Variants in ROBO2 observed in about 807,000 individuals in gnomAD.
ROBO2 encodes roundabout guidance receptor 2.
ROBO2 carries 53 observed loss-of-function variants against 160.8 expected under a neutral mutation model. That is an observed-to-expected ratio of 0.33 (90% CI 0.26 to 0.41). ROBO2 has a LOEUF of 0.41. Ranked by LOEUF, ROBO2 falls within the 10% of genes least tolerant of loss-of-function variation. The pLI, the probability that ROBO2 is intolerant of heterozygous loss-of-function variation, is 1.00. For synonymous variants in ROBO2, 664 were observed against 611.7 expected (o/e 1.09, Z -1.26); for missense variants, 1,577 against 1,722.4 (o/e 0.92, Z 1.49).
chr3:77,483,960 G>T (rs938456566), intron 4 of ROBO2, among the ~76,000 whole-genome samples: 7 of 151,622 alleles, frequency 4.6e-5, no homozygotes, highest in Non-Finnish European at 1.5e-5. Flanking sequence ...TAGTGGGCTT[G>T]TACTTTGAAG....
chr3:76,077,844 A>G (rs2068691921), intron 2 of ROBO2, among the ~76,000 whole-genome samples: 1 of 152,144 alleles, frequency 6.6e-6, no homozygotes, highest in South Asian at 2.1e-4. Flanking sequence ...GGAAGATCAA[A>G]GAATTGATTT....
At chr3:76,451,944 C>A (rs2077495489) in intron 2 of ROBO2, among the ~76,000 whole-genome samples, 1 of 152,078 alleles carries the variant, frequency 6.6e-6, no homozygotes, top group Non-Finnish European at 1.5e-5. Flanking sequence ...CCAATTATTT[C>A]TCTTTCTTTA....
intron 2 of ROBO2, among the ~76,000 whole-genome samples, chr3:77,417,993 G>T (rs1314942369): frequency 1.3e-5 from 2 of 151,870 alleles, no homozygotes; most frequent in Non-Finnish European, 2.9e-5. Flanking sequence ...ATTGACTAAA[G>T]TCTCTGACAG....
intron 2 of ROBO2, among the ~76,000 whole-genome samples, chr3:76,554,699 T>C (rs2083604180): frequency 6.6e-6 from 1 of 152,166 alleles, no homozygotes; most frequent in Non-Finnish European, 1.5e-5. Flanking sequence ...GTAGGGAAAC[T>C]GCTTCTATAT....
chr3:76,483,243 A>C (rs1389907951), intron 2 of ROBO2, among the ~76,000 whole-genome samples: 1 of 151,348 alleles, frequency 6.6e-6, no homozygotes, highest in Non-Finnish European at 1.5e-5. Context: ...GTATAGAATA[A>C]CTCTTATTAC....
At chr3:75,961,741 A>G (rs543787096) in intron 2 of ROBO2, among the ~76,000 whole-genome samples, 2 of 151,724 alleles carry the variant, frequency 1.3e-5, no homozygotes, top group Non-Finnish European at 2.9e-5. Flanking sequence ...ATAGAAACAA[A>G]AAATATTGTA....
At chr3:77,039,207 C>T (rs777384417), upstream of ROBO2, among the ~76,000 whole-genome samples, 1 of 151,728 alleles carries the variant, frequency 6.6e-6, no homozygotes, top group South Asian at 2.1e-4. Flanking sequence ...CCCCCTTGTG[C>T]TTTTGAATCA....
At chr3:76,408,967 TATA>T (rs759460388) in intron 2 of ROBO2, among the ~76,000 whole-genome samples, 1 of 148,908 alleles carries the variant, frequency 6.7e-6, no homozygotes, top group Non-Finnish European at 1.5e-5. Flanking sequence ...CAAAATGAAT[TATA>T]ATACACTAGG....
intron 2 of ROBO2, among the ~76,000 whole-genome samples, chr3:75,964,803 T>C (rs1949045527): frequency 6.6e-6 from 1 of 151,712 alleles, no homozygotes; most frequent in African/African-American, 2.4e-5. Flanking sequence ...TTGTTGCATG[T>C]TGTTACATTT....
intron 2 of ROBO2, among the ~76,000 whole-genome samples, chr3:77,315,072 C>T (rs2063859321): frequency 1.3e-5 from 2 of 152,102 alleles, no homozygotes; most frequent in East Asian, 1.9e-4. Flanking sequence ...AGCTGGATCA[C>T]ATTACTGTGA....
chr3:76,573,945 A>G, intron 2 of ROBO2, among the ~76,000 whole-genome samples: 1 of 152,114 alleles, frequency 6.6e-6, no homozygotes, highest in East Asian at 1.9e-4. Context: ...TAATTCTGCA[A>G]ATCAGAAGTG....
At chr3:77,376,207 T>G (rs2072638375) in intron 2 of ROBO2, among the ~76,000 whole-genome samples, 1 of 140,900 alleles carries the variant, frequency 7.1e-6, no homozygotes, top group Admixed American at 7.9e-5. Flanking sequence ...CAGGCTGGAG[T>G]GCACCAGTAC....
At chr3:75,925,254 G>A (rs528643069) in intron 1 of ROBO2, among the ~76,000 whole-genome samples, 1 of 151,968 alleles carries the variant, frequency 6.6e-6, no homozygotes, top group South Asian at 2.1e-4. Context: ...CTAGGCAGAC[G>A]TGGTGGCTGG....
intron 1 of ROBO2, among the ~76,000 whole-genome samples, chr3:77,064,747 A>C (rs1344734950): frequency 6.6e-6 from 1 of 152,154 alleles, no homozygotes; most frequent in African/African-American, 2.4e-5. Context: ...TGAAGCAGAA[A>C]CCAATCTATT....
chr3:77,638,659 C>A (rs1226866315), intron 24 of ROBO2, among the ~76,000 whole-genome samples: 1 of 152,082 alleles, frequency 6.6e-6, no homozygotes, highest in African/African-American at 2.4e-5. Context: ...CCAAAGCAGG[C>A]ATTGCTGAGT....
intron 1 of ROBO2, among the ~76,000 whole-genome samples, chr3:77,088,872 T>C (rs2069721721): frequency 6.6e-6 from 1 of 152,178 alleles, no homozygotes; most frequent in Non-Finnish European, 1.5e-5. Context: ...GTGTATTTTT[T>C]AAAGTATGTA....
intron 2 of ROBO2, among the ~76,000 whole-genome samples, chr3:76,794,046 C>G (rs972176780): frequency 2.6e-5 from 4 of 151,846 alleles, no homozygotes; most frequent in African/African-American, 9.7e-5. Flanking sequence ...TAGGACTCTT[C>G]TTTTGGTTCT....
At chr3:76,151,720 C>T (rs1409360506) in intron 2 of ROBO2, among the ~76,000 whole-genome samples, 1 of 152,084 alleles carries the variant, frequency 6.6e-6, no homozygotes, top group Non-Finnish European at 1.5e-5. Flanking sequence ...ATCCATTTTC[C>T]AAACACTTGA....
At chr3:76,129,627 C>G (rs2071146478) in intron 2 of ROBO2, among the ~76,000 whole-genome samples, 1 of 152,098 alleles carries the variant, frequency 6.6e-6, no homozygotes, top group South Asian at 2.1e-4. Flanking sequence ...GGCATTGTGA[C>G]TCTTCTAAGT....
Sources: allele counts gnomAD v4.1 joint callset (sites outside exome capture counted in the v4.1 genomes callset), GRCh38; gene constraint gnomAD v4.1.1; transcripts MANE v1.5; gene names NCBI Gene and HGNC (gene_info 2026-07-23, HGNC 2026-07-21).